Variants in TNS4 observed in about 807,000 individuals in gnomAD.
The protein encoded by TNS4 is tensin-4.
TNS4 carries 46 observed loss-of-function variants against 70.4 expected under a neutral mutation model. That is an observed-to-expected ratio of 0.65 (90% CI 0.52 to 0.84). The LOEUF is 0.84. Ranked by LOEUF, TNS4 falls within the 40% of genes least tolerant of loss-of-function variation. The pLI, the probability that TNS4 is intolerant of heterozygous loss-of-function variation, is 0.00. For missense variants in TNS4, 863 were observed against 907.0 expected (o/e 0.95, Z 0.62); for synonymous variants, 390 against 366.6 (o/e 1.06, Z -0.73).
intron 4 of TNS4, among the ~76,000 whole-genome samples, chr17:40,486,161 T>C (rs1051194020): frequency 3.3e-5 from 5 of 152,176 alleles, no homozygotes; most frequent in Admixed American, 3.3e-4. Context: ...TGCTTGGGTT[T>C]GTTCTTCTTG....
At chr17:40,484,835 C>T in intron 5 of TNS4, 86 bp downstream of exon 5, 1 of 1,517,244 alleles carries the variant, frequency 6.6e-7, no homozygotes. Flanking sequence ...CACTATTTGC[C>T]ATTCCTTAAC....
chr17:40,489,983 T>C (rs991126963), intron 2 of TNS4, among the ~76,000 whole-genome samples: 2 of 152,210 alleles, frequency 1.3e-5, no homozygotes, highest in Middle Eastern at 3.4e-3. Context: ...CAGTAGACCA[T>C]GAATGGCTCA....
Position 40,496,449 on chromosome 17 carries a change from T to A in TNS4, c.-24A>T. The A allele has an allele frequency of 6.3e-7, 1 of 1,599,252 alleles. No homozygotes were observed. The highest frequency in any genetic ancestry group is 8.5e-7 in the Non-Finnish European group (1 of 1,175,360). ...ATGGTGGGGGTGGTGACCTCTGCAG[T>A]TTACCTCTGGTCTTCAACCAGCCTC... On this transcript the variant is annotated 5_prime_UTR_variant, in exon 2 of 13. Transcript: ENST00000254051.
rs539148617 is a variant in TNS4 at position 40,478,505 on chromosome 17, C to T, written c.1979+75G>A. The T allele has an allele frequency of 1.2e-4, 183 of 1,590,638 alleles. No individual in the cohort carries two copies. The African/African-American group carries it at 2.2e-3, about 19-fold the overall frequency. On this transcript the variant is annotated intron_variant, in intron 11 of 12. Transcript: ENST00000254051. ...CAGGCTCCCTCTGGGATCCCAGGCC[C>T]AGAGTCGGCAGGACGCCTTGGTGGG...
intron 4 of TNS4, 120 bp downstream of exon 4, chr17:40,486,916 A>G (rs563103614): frequency 4.6e-6 from 6 of 1,301,008 alleles, no homozygotes; most frequent in South Asian, 4.1e-5. Flanking sequence ...ACTACCTGGC[A>G]TAGTGCCAGA....
At position 40,487,091 on chromosome 17, in the gene TNS4, G is replaced by C. The variant is rs372457006; in HGVS notation, c.1233C>G (p.Ala411=). ...ACAGGGTCTGGCTGTTGCTCCTGGT[G>C]GCTGGACAGGGGTTGCTGGGAGAAG... ...GAASPSNPCP[A]TRSNSQTLSD... The change falls in exon 4 of 13, where the codon GCC becomes GCG. Residue 411 remains alanine, a synonymous_variant. Coordinates refer to ENST00000254051, the MANE Select transcript of TNS4 (RefSeq NM_032865.6). The C allele has an allele frequency of 2.5e-6, 4 of 1,614,228 alleles. No individual in the cohort carries two copies. Among genetic ancestry groups the C allele is most frequent in the Non-Finnish European group, 3.4e-6 (4 of 1,180,046 alleles).
At chr17:40,478,437 C>G in intron 11 of TNS4, 104 bp from the exon 12 acceptor site, 1 of 1,526,034 alleles carries the variant, frequency 6.6e-7, no homozygotes, top group South Asian at 1.2e-5. Flanking sequence ...CCCACCATGC[C>G]CCACCCTACC....
chr17:40,479,846 T>C lies in TNS4; in HGVS notation c.1742-4A>G. ...CTCAGGTACAGGGTGTGGCAGCCTG[T>C]GGGAGGCAGACACTGCGCTGGGGCC... On this transcript the variant is annotated splice_polypyrimidine_tract_variant and splice_region_variant and intron_variant, in intron 9 of 12. Coordinates refer to ENST00000254051, the MANE Select transcript of TNS4 (RefSeq NM_032865.6). The C allele has an allele frequency of 6.2e-7, 1 of 1,608,514 alleles. No homozygotes were observed. Among genetic ancestry groups the C allele is most frequent in the Non-Finnish European group, 8.5e-7 (1 of 1,177,794 alleles).
chr17:40,479,653 A>G lies in TNS4; in HGVS notation c.1910+21T>C, dbSNP rs772560724. The G allele has an allele frequency of 1.2e-5, 19 of 1,606,238 alleles. No individual in the cohort carries two copies. The South Asian group carries it at 2.0e-4, about 17-fold the overall frequency. On this transcript the variant is annotated intron_variant, in intron 10 of 12. Transcript: ENST00000254051. The stretch of plus-strand genomic sequence containing the variant: ...TCTACTCCGCCAGCCCCGGAGCCCC[A>G]GGGCAAGGGAAGGCCCTTACTTCCT...
rs528818399 is a variant in TNS4, at chr17:40,500,894, C to T, written c.-96+640G>A. On this transcript the variant is annotated intron_variant, in intron 1 of 12. Coordinates refer to ENST00000254051, the MANE Select transcript of TNS4 (RefSeq NM_032865.6). ...CGCCCCATCTCCCAGTCCTGTCTAC[C>T]TCTGAAGTGCCCAGAGGGCTCCCAG... 2.8e-4 allele frequency among the ~76,000 whole-genome samples: 43 copies of T among 152,124 alleles called. 1 individual carries two copies. The South Asian group carries it at 6.0e-3, about 21-fold the overall frequency.
At chr17:40,490,650 G>T (rs561169967) in intron 2 of TNS4, among the ~76,000 whole-genome samples, 281 of 152,336 alleles carry the variant, frequency 1.8e-3, no homozygotes, top group Middle Eastern at 0.017. Flanking sequence ...CCACGGTGGG[G>T]GTGGGGAGTT....
In TNS4 at chr17:40,493,678, C is replaced by T. The variant is rs192932930; in HGVS notation, c.439+2309G>A. On this transcript the variant is annotated intron_variant, in intron 2 of 12. Transcript: ENST00000254051. Reference sequence around the variant, plus strand: ...TCTGGCCACTGCCTGCCTTACATTCCCTGTTCCCCAGAGTTGGGTGGACAC... The same window carrying T: ...TCTGGCCACTGCCTGCCTTACATTCTCTGTTCCCCAGAGTTGGGTGGACAC... Among the ~76,000 whole-genome samples, 302 of 152,328 alleles carry T rather than the reference C, an allele frequency of 2.0e-3. 1 individual carries two copies. Among genetic ancestry groups the T allele is most frequent in the African/African-American group, 7.0e-3 (293 of 41,572 alleles).
Position 40,496,480 on chromosome 17 carries a change from C to A in TNS4, c.-55G>T. 6.5e-7 allele frequency: 1 copy of A among 1,538,644 alleles called. No individual in the cohort carries two copies. Among genetic ancestry groups the A allele is most frequent in the South Asian group, 1.2e-5 (1 of 82,008 alleles). On this transcript the variant is annotated 5_prime_UTR_variant, in exon 2 of 13. The change abolishes an upstream ATG in the 5' untranslated region. Coordinates refer to ENST00000254051, the MANE Select transcript of TNS4 (RefSeq NM_032865.6). ...TCTGGTCTTCAACCAGCCTCACTGA[C>A]ATCCCAGAGATCTCACTTGCTAACC...
chr17:40,490,724 C>T (rs986384668), intron 2 of TNS4, among the ~76,000 whole-genome samples: 6 of 152,234 alleles, frequency 3.9e-5, no homozygotes, highest in Non-Finnish European at 8.8e-5. Context: ...GAGGAAGAGC[C>T]TAGCTTTGTA....
At chr17:40,483,660 T>A (rs921887522) in intron 6 of TNS4, among the ~76,000 whole-genome samples, 1 of 152,194 alleles carries the variant, frequency 6.6e-6, no homozygotes, top group African/African-American at 2.4e-5. Flanking sequence ...AGTGTCCTCC[T>A]CAGTCTGGGC....
chr17:40,487,372 G>T lies in TNS4; in HGVS notation c.952C>A (p.His318Asn). The change falls in exon 4 of 13, where the codon CAC becomes AAC. Residue 318 changes from histidine to asparagine, a missense_variant. His to Asn is a moderately conservative substitution (Grantham distance 68). Coordinates refer to ENST00000254051, the MANE Select transcript of TNS4 (RefSeq NM_032865.6). Reference sequence around the variant, plus strand: ...CACAGGGACACTGAGCCAAGGCTGTGGAGGCTGGAGGAAGAGTTGGCTGGA... The same window carrying T: ...CACAGGGACACTGAGCCAAGGCTGTTGAGGCTGGAGGAAGAGTTGGCTGGA... ...ESPANSSSSL[H>N]SLGSVSLCTR... 1 of 1,614,180 alleles carries T rather than the reference G, an allele frequency of 6.2e-7. No individual in the cohort carries two copies. Among genetic ancestry groups the T allele is most frequent in the Non-Finnish European group, 8.5e-7 (1 of 1,180,036 alleles).
chr17:40,499,873 G>C (rs2036191102), intron 1 of TNS4, among the ~76,000 whole-genome samples: 1 of 152,192 alleles, frequency 6.6e-6, no homozygotes, highest in Non-Finnish European at 1.5e-5. Flanking sequence ...AGCTCAAGGA[G>C]GGCTGGGTGT....
chr17:40,484,521 C>T lies in TNS4; in HGVS notation c.1464G>A (p.Lys488=), dbSNP rs755439818. 6.2e-7 allele frequency: 1 copy of T among 1,612,506 alleles called. No individual in the cohort carries two copies. Among genetic ancestry groups the T allele is most frequent in the African/African-American group, 1.3e-5 (1 of 75,026 alleles). The change falls in exon 6 of 13, where the codon AAG becomes AAA. Residue 488 remains lysine (K), a synonymous_variant. Transcript: ENST00000254051. The part of the protein sequence containing the change: ...SYRGSFGLAL[K]VQEVPASAQS... ...GAGCAGACGCGGGAACCTCCTGCAC[C>T]TTCAGGGCCAGGCCGAAGGAGCCTC...
At position 40,477,272 on chromosome 17, in the gene TNS4, C is replaced by T; in HGVS notation, c.*316G>A. The T allele has an allele frequency of 4.0e-6, 1 of 249,434 alleles. No individual in the cohort carries two copies. Among genetic ancestry groups the T allele is most frequent in the Non-Finnish European group, 7.7e-6 (1 of 130,070 alleles). 15.5% of individuals were successfully genotyped at this position (249,434 alleles called of 1,614,324 possible). A position where few individuals can be genotyped will look rare whatever the true frequency, so the allele number is the denominator to read the frequency against. The stretch of plus-strand genomic sequence containing the variant: ...TCAGAGGGTCCTTGGAGGTTATTTT[C>T]ATGCAGGGGTCTTCAGAGGTGTGCA... On this transcript the variant is annotated 3_prime_UTR_variant, in exon 13 of 13. Coordinates refer to ENST00000254051, the MANE Select transcript of TNS4 (RefSeq NM_032865.6).
Sources: gnomAD v4.1 joint callset for allele counts (sites outside exome capture counted in the v4.1 genomes callset) on GRCh38, gnomAD v4.1.1 for gene constraint, MANE v1.5 for transcripts, NCBI Gene and HGNC (gene_info 2026-07-23, HGNC 2026-07-21) for gene names.